POLQ: variants seen among roughly 807,000 people sequenced by gnomAD.
POLQ encodes epididymis secretory sperm binding protein.
In POLQ, 233 loss-of-function variants were observed where a neutral mutation model predicts 259.2. The observed-to-expected ratio is 0.90, with a 90% CI of 0.81 to 1.00. The LOEUF is 1.00. Ranked by LOEUF, POLQ falls within the 50% of genes least tolerant of loss-of-function variation. The probability of loss-of-function intolerance (pLI) is 0.00; values close to 1 mark genes in which losing one functional copy is unlikely to be tolerated. For synonymous variants in POLQ, 1,025 were observed against 1,048.8 expected (o/e 0.98, Z 0.44); for missense variants, 2,871 against 3,051.6 (o/e 0.94, Z 1.39).
At chr3:121,453,381 C>T (rs563250211) in intron 25 of POLQ, among the ~76,000 whole-genome samples, 83 of 152,326 alleles carry the variant, frequency 5.4e-4, no homozygotes, top group Middle Eastern at 3.4e-3. Flanking sequence ...CGGAACAAAG[C>T]TGGATGGAGA....
rs1325935915 is a variant in POLQ, at chr3:121,537,209, C to T, written c.632-1G>A. ...TGTAATTCATCCACAACCACCATTCCTAAAAAGATTTTCCAGATACTAGGT... is the reference window on the plus strand; with the variant it reads ...TGTAATTCATCCACAACCACCATTCTTAAAAAGATTTTCCAGATACTAGGT... On this transcript the variant is annotated splice_acceptor_variant, in intron 4 of 29. Coordinates refer to ENST00000264233, the MANE Select transcript of POLQ (RefSeq NM_199420.4). LOFTEE classifies it high-confidence loss of function. 3 of 1,547,646 alleles carry T rather than the reference C, an allele frequency of 1.9e-6. No homozygotes were observed. The highest frequency in any genetic ancestry group is 1.8e-6 in the Non-Finnish European group (2 of 1,122,072).
chr3:121,483,637 A>T, intron 17 of POLQ, 55 bp from the exon 18 acceptor site: 1 of 1,308,690 alleles, frequency 7.6e-7, no homozygotes. Flanking sequence ...AATTACATGC[A>T]TTCATTTGAA....
chr3:121,484,914 A>AC (rs1306715223), intron 17 of POLQ, 127 bp downstream of exon 17: 25 of 785,394 alleles, frequency 3.2e-5, no homozygotes, highest in Admixed American at 2.4e-4. Context: ...AAACAAACAA[A>AC]AAAAAATTTA....
At chr3:121,529,159 G>A (rs987836483) in intron 7 of POLQ, among the ~76,000 whole-genome samples, 5 of 150,624 alleles carry the variant, frequency 3.3e-5, no homozygotes, top group East Asian at 3.9e-4. Context: ...ATTATGTATT[G>A]AAAAAAAATC....
chr3:121,510,707 C>T (rs935797976), intron 10 of POLQ, among the ~76,000 whole-genome samples: 1 of 152,102 alleles, frequency 6.6e-6, no homozygotes, highest in Admixed American at 6.5e-5. Context: ...ATTTACTTTC[C>T]CATCACCACT....
chr3:121,443,292 G>T (rs2047608602), intron 26 of POLQ, among the ~76,000 whole-genome samples: 2 of 152,158 alleles, frequency 1.3e-5, no homozygotes, highest in Admixed American at 1.3e-4. Context: ...TTGGATAAAA[G>T]CCATTTTAAC....
intron 5 of POLQ, among the ~76,000 whole-genome samples, chr3:121,534,740 A>G (rs933086518): frequency 1.3e-5 from 2 of 152,218 alleles, no homozygotes; most frequent in African/African-American, 2.4e-5. Context: ...TGCCCTTCAC[A>G]AGTTTTGTTA....
At chr3:121,530,834 A>T (rs1370460978) in intron 6 of POLQ, among the ~76,000 whole-genome samples, 1 of 152,236 alleles carries the variant, frequency 6.6e-6, no homozygotes, top group Non-Finnish European at 1.5e-5. Flanking sequence ...CAAAGCAGAA[A>T]AAAAGCTCTA....
chr3:121,529,388 T>C (rs1277488577), intron 7 of POLQ, among the ~76,000 whole-genome samples: 1 of 152,184 alleles, frequency 6.6e-6, no homozygotes, highest in Non-Finnish European at 1.5e-5. Context: ...GGATCCCTGA[T>C]AAAGAACTAT....
intron 12 of POLQ, among the ~76,000 whole-genome samples, chr3:121,500,247 C>T (rs1233622842): frequency 7.2e-6 from 1 of 138,256 alleles, no homozygotes; most frequent in East Asian, 2.1e-4. Flanking sequence ...CCACTGTACT[C>T]TTGTTTGGGC....
At chr3:121,544,946 T>A in intron 1 of POLQ, 40 bp from the exon 2 acceptor site, 1 of 1,311,722 alleles carries the variant, frequency 7.6e-7, no homozygotes, top group Non-Finnish European at 1.1e-6. Context: ...AATTTACTTC[T>A]AATATATGAG....
chr3:121,544,001 C>T (rs1357141888), intron 2 of POLQ, among the ~76,000 whole-genome samples: 1 of 151,520 alleles, frequency 6.6e-6, no homozygotes, highest in African/African-American at 2.4e-5. Flanking sequence ...AAAAGAAAAC[C>T]CATAAAAATT....
At chr3:121,505,527 C>T (rs922757210) in intron 12 of POLQ, among the ~76,000 whole-genome samples, 3 of 152,000 alleles carry the variant, frequency 2.0e-5, no homozygotes, top group African/African-American at 7.3e-5. Context: ...GGAATATACA[C>T]AATGACAAAT....
chr3:121,533,903 CT>C (rs35959660), intron 5 of POLQ, among the ~76,000 whole-genome samples: 1,580 of 119,580 alleles, frequency 0.013, 9 homozygotes, highest in African/African-American at 0.046. Context: ...TGTGGATACC[CT>C]TTTTTTTTTT....
chr3:121,535,382 G>A (rs1274854611), intron 5 of POLQ, among the ~76,000 whole-genome samples: 1 of 152,078 alleles, frequency 6.6e-6, no homozygotes, highest in Non-Finnish European at 1.5e-5. Flanking sequence ...AACTCTGAAG[G>A]AAAAGTATTT....
chr3:121,523,593 T>C lies in POLQ; in HGVS notation c.1109-1444A>G, dbSNP rs373997775. On this transcript the variant is annotated intron_variant, in intron 7 of 29. Coordinates refer to ENST00000264233, the MANE Select transcript of POLQ (RefSeq NM_199420.4). ...AGCCAGGCATGGTGGCATGCACCTA[T>C]AGACCCAGCTACTCGGGAGGCTGAA... 3.9e-4 allele frequency among the ~76,000 whole-genome samples: 59 copies of C among 152,212 alleles called. No individual in the cohort carries two copies. The South Asian group carries it at 0.011, about 28-fold the overall frequency.
rs1429516794 is a variant in POLQ at position 121,473,490 on chromosome 3, G to A, written c.6406-3C>T. ...AACTTCAATTCCAAAAATAAAACCT[G>A]CAAGAAATTAATGTCTCTTTAGTCA... is the stretch of plus-strand genomic sequence containing the variant. On this transcript the variant is annotated splice_polypyrimidine_tract_variant and splice_region_variant and intron_variant, in intron 20 of 29. Transcript: ENST00000264233. 6 of 1,607,444 alleles carry A rather than the reference G, an allele frequency of 3.7e-6. No individual in the cohort carries two copies. Among genetic ancestry groups the A allele is most frequent in the Non-Finnish European group, 4.2e-6 (5 of 1,176,472 alleles).
rs1187742104 is a variant in POLQ, at chr3:121,472,124, C to A, written c.6584G>T (p.Gly2195Val). The A allele has an allele frequency of 7.0e-6, 11 of 1,562,694 alleles. No homozygotes were observed. The highest frequency in any genetic ancestry group is 5.8e-5 in the South Asian group (5 of 85,738). Residue 2195 changes from glycine to valine, a missense_variant, in exon 22 of 30, where the codon GGC becomes GTC. By Grantham distance (109) the Gly-to-Val change is moderately radical. This residue lies in a region of POLQ where 2,080 missense variants were observed against 2,126.0 expected (regional missense o/e 0.98). Transcript: ENST00000264233. Reference protein sequence around the residue: ...NKLKALHPLPGLILEWRRITN... With the variant: ...NKLKALHPLPVLILEWRRITN... ...GATTCTTCTCCATTCTAATATCAAG[C>A]CTGGTAAAGGATGTAATGCCTTTAA... is the stretch of plus-strand genomic sequence containing the variant.
At chr3:121,501,720 C>T (rs186908264) in intron 12 of POLQ, among the ~76,000 whole-genome samples, 1 of 145,896 alleles carries the variant, frequency 6.9e-6, no homozygotes, top group East Asian at 2.1e-4. Flanking sequence ...CGGCTCATGC[C>T]TGTAATCCCA....
Sources: allele counts gnomAD v4.1 joint callset (sites outside exome capture counted in the v4.1 genomes callset), GRCh38; gene constraint gnomAD v4.1.1; regional missense constraint gnomAD v4.1.1; transcripts MANE v1.5; gene names NCBI Gene and HGNC (gene_info 2026-07-23, HGNC 2026-07-21).